The following STRN3 variants were observed in gnomAD, a reference collection of about 807,000 sequenced individuals.
STRN3 encodes striatin-3.
STRN3 carries 29 observed loss-of-function variants against 95.6 expected under a neutral mutation model. That is an observed-to-expected ratio of 0.30 (90% CI 0.23 to 0.41). The LOEUF (loss-of-function observed/expected upper bound fraction) is 0.41. Ranked by LOEUF, STRN3 falls within the 10% of genes least tolerant of loss-of-function variation. STRN3 has a pLI of 1.00. For missense variants in STRN3, 890 were observed against 972.1 expected (o/e 0.92, Z 1.12); for synonymous variants, 331 against 357.6 (o/e 0.93, Z 0.84).
At chr14:31,023,602 G>T (rs570097616) in intron 1 of STRN3, among the ~76,000 whole-genome samples, 1 of 152,180 alleles carries the variant, frequency 6.6e-6, no homozygotes, top group Admixed American at 6.5e-5. Context: ...ACTGGAGACT[G>T]TACATAATAA....
chr14:30,956,623 C>T (rs1186289899), intron 1 of STRN3, among the ~76,000 whole-genome samples: 1 of 152,162 alleles, frequency 6.6e-6, no homozygotes, highest in Non-Finnish European at 1.5e-5. Context: ...AGATCTAACA[C>T]ATCCCTTTTA....
intron 16 of STRN3, among the ~76,000 whole-genome samples, chr14:30,901,812 GA>G (rs1217368499): frequency 6.6e-6 from 1 of 152,110 alleles, no homozygotes; most frequent in African/African-American, 2.4e-5. Context: ...GAAATACAGG[GA>G]AGATGATAAT....
intron 1 of STRN3, among the ~76,000 whole-genome samples, chr14:30,985,330 G>A (rs1025851486): frequency 1.1e-4 from 16 of 149,202 alleles, no homozygotes; most frequent in African/African-American, 3.0e-4. Flanking sequence ...TAGGCCAGGC[G>A]CGGTGGCTCA....
At chr14:30,933,985 G>A (rs893271192) in intron 7 of STRN3, among the ~76,000 whole-genome samples, 2 of 152,158 alleles carry the variant, frequency 1.3e-5, no homozygotes, top group Non-Finnish European at 2.9e-5. Flanking sequence ...AAAATCTAGT[G>A]ATTATTCCTC....
chr14:30,935,391 C>T lies in STRN3; in HGVS notation c.847-87G>A. On this transcript the variant is annotated intron_variant, in intron 6 of 17. Coordinates refer to ENST00000357479, the MANE Select transcript of STRN3 (RefSeq NM_001083893.2). ...ATTGTCACATAACTACATTTACACA[C>T]CCATTTTAAAATTACTTGGATCAAA... is the stretch of plus-strand genomic sequence containing the variant. 3 of 1,410,284 alleles carry T rather than the reference C, an allele frequency of 2.1e-6. No individual in the cohort carries two copies. The East Asian group carries it at 7.2e-5, about 34-fold the overall frequency. 87.4% of individuals were successfully genotyped at this position (1,410,284 alleles called of 1,614,324 possible). A position where few individuals can be genotyped will look rare whatever the true frequency, so the allele number is the denominator to read the frequency against.
intron 1 of STRN3, among the ~76,000 whole-genome samples, chr14:30,961,274 C>T (rs1880191415): frequency 6.6e-6 from 1 of 152,106 alleles, no homozygotes; most frequent in Non-Finnish European, 1.5e-5. Flanking sequence ...AAAAGTCTGT[C>T]AATCTCCCAT....
intron 1 of STRN3, among the ~76,000 whole-genome samples, chr14:30,978,542 C>T (rs1203047479): frequency 6.6e-6 from 1 of 152,134 alleles, no homozygotes; most frequent in Non-Finnish European, 1.5e-5. Context: ...GCTTTTCCCC[C>T]TAAGACTGGG....
intron 4 of STRN3, among the ~76,000 whole-genome samples, chr14:30,948,886 G>A (rs1313266290): frequency 3.9e-5 from 6 of 152,128 alleles, no homozygotes; most frequent in Non-Finnish European, 7.4e-5. Flanking sequence ...CCTCTCTTGG[G>A]GAGAACAGCT....
chr14:31,023,752 A>G (rs887250807), intron 1 of STRN3, among the ~76,000 whole-genome samples: 2 of 152,004 alleles, frequency 1.3e-5, no homozygotes, highest in African/African-American at 4.8e-5. Flanking sequence ...CTCACAAGCA[A>G]TCTCAGTAGA....
intron 1 of STRN3, among the ~76,000 whole-genome samples, chr14:30,994,486 C>G (rs1051716388): frequency 1.3e-5 from 2 of 151,932 alleles, no homozygotes; most frequent in African/African-American, 4.8e-5. Context: ...AAACATAAAC[C>G]TAGAAATAAA....
chr14:30,897,778 A>G (rs760824945), intron 16 of STRN3, among the ~76,000 whole-genome samples: 6 of 152,238 alleles, frequency 3.9e-5, no homozygotes, highest in Non-Finnish European at 7.3e-5. Context: ...CAAAGAACAG[A>G]AAAGTCTTCA....
chr14:30,916,420 G>T (rs1566433642), intron 9 of STRN3, among the ~76,000 whole-genome samples: 1 of 151,392 alleles, frequency 6.6e-6, no homozygotes, highest in Admixed American at 6.6e-5. Flanking sequence ...GACTACAGGC[G>T]CCCGCCACCA....
At chr14:30,926,473 T>C (rs142229984) in intron 8 of STRN3, among the ~76,000 whole-genome samples, 14 of 152,054 alleles carry the variant, frequency 9.2e-5, no homozygotes, top group African/African-American at 1.9e-4. Flanking sequence ...GCCAAATAAA[T>C]AGTCTCTGAG....
intron 1 of STRN3, 129 bp from the exon 2 acceptor site, chr14:30,956,371 C>T (rs977304611): frequency 4.8e-5 from 42 of 878,708 alleles, no homozygotes; most frequent in Admixed American, 1.7e-4. Flanking sequence ...TTCATAAAAA[C>T]GGGCCAGGCA....
At chr14:30,905,340 T>C (rs1566427123) in intron 15 of STRN3, 78 bp downstream of exon 15, 4 of 1,341,594 alleles carry the variant, frequency 3.0e-6, no homozygotes, top group South Asian at 1.8e-5. Context: ...AGTGAAAATA[T>C]GAAAATTAGC....
intron 8 of STRN3, among the ~76,000 whole-genome samples, chr14:30,920,350 C>T (rs1344801650): frequency 6.6e-6 from 1 of 151,872 alleles, no homozygotes; most frequent in Non-Finnish European, 1.5e-5. Context: ...TGAGGATTTC[C>T]CCCCCACAGA....
At chr14:30,999,538 A>T (rs934680123) in intron 1 of STRN3, among the ~76,000 whole-genome samples, 3 of 152,196 alleles carry the variant, frequency 2.0e-5, no homozygotes, top group Non-Finnish European at 4.4e-5. Flanking sequence ...TGAAATGAAA[A>T]ACTCAATAGA....
At chr14:30,943,302 G>C (rs1009611126) in intron 5 of STRN3, among the ~76,000 whole-genome samples, 1 of 152,184 alleles carries the variant, frequency 6.6e-6, no homozygotes, top group Admixed American at 6.6e-5. Flanking sequence ...ACTATTTCCG[G>C]CCAGGCGCAG....
In STRN3 at chr14:30,911,459, G is replaced by A. The variant is rs1403308428; in HGVS notation, c.1599-297C>T. Among the ~76,000 whole-genome samples the A allele has an allele frequency of 2.6e-5, 4 of 151,856 alleles. No individual in the cohort carries two copies. In the East Asian group the frequency reaches 7.7e-4, roughly 29 times the overall value. ...TGAGACTACAAGCGCACGCCAACAT[G>A]CCCAGCTAATTTTTGTATTTTGTGG... On this transcript the variant is annotated intron_variant, in intron 12 of 17. Coordinates refer to ENST00000357479, the MANE Select transcript of STRN3 (RefSeq NM_001083893.2).
Sources: gnomAD v4.1 joint callset for allele counts (sites outside exome capture counted in the v4.1 genomes callset) on GRCh38, gnomAD v4.1.1 for gene constraint, MANE v1.5 for transcripts, NCBI Gene and HGNC (gene_info 2026-07-23, HGNC 2026-07-21) for gene names.